SETD2: variants seen among roughly 807,000 people sequenced by gnomAD.
SETD2 encodes the protein SET domain containing 2, histone lysine methyltransferase.
A neutral mutation model predicts 242.1 loss-of-function variants in SETD2; 31 were observed. The observed-to-expected ratio is 0.13, with a 90% CI of 0.10 to 0.17. The LOEUF (loss-of-function observed/expected upper bound fraction) is 0.17. SETD2 is among the 10% of genes least tolerant of loss of function. SETD2 has a pLI of 1.00. For synonymous variants in SETD2, 1,006 were observed against 1,066.5 expected (o/e 0.94, Z 1.11); for missense variants, 2,481 against 3,046.3 (o/e 0.81, Z 4.37).
chr3:47,075,005 G>T (rs1317544862), intron 12 of SETD2, among the ~76,000 whole-genome samples: 3 of 151,742 alleles, frequency 2.0e-5, no homozygotes, highest in Admixed American at 6.6e-5. Flanking sequence ...GTGGTGGCAG[G>T]TGCCTGTAGT....
At chr3:47,124,604 G>A (rs1251148374) in intron 2 of SETD2, 56 bp from the exon 3 acceptor site, 7 of 1,398,716 alleles carry the variant, frequency 5.0e-6, no homozygotes, top group African/African-American at 2.9e-5. Flanking sequence ...CTTTCAAATG[G>A]ACTGCACAGT....
intron 12 of SETD2, among the ~76,000 whole-genome samples, chr3:47,075,059 A>C (rs1419813005): frequency 6.6e-6 from 1 of 151,620 alleles, no homozygotes; most frequent in Non-Finnish European, 1.5e-5. Context: ...GCGTGAACCC[A>C]GGAGGTGGAG....
At chr3:47,042,808 T>C (rs2039344328) in intron 16 of SETD2, 108 bp from the exon 17 acceptor site, 1 of 983,788 alleles carries the variant, frequency 1.0e-6, no homozygotes, top group South Asian at 1.6e-5. Context: ...TACCTCCTCT[T>C]AAAAAAAGGA....
rs775259096 is a variant in SETD2 at position 47,050,723 on chromosome 3, CTTTTTTTTTT to C, written c.6964-4112_6964-4103del. On this transcript the variant is annotated intron_variant, in intron 15 of 20. Coordinates refer to ENST00000409792, the MANE Select transcript of SETD2 (RefSeq NM_014159.7). ...CTCAACCTGTATACATTTCCTCTCT[CTTTTTTTTTT>C]TTTTTTTTTTTTTTTGAGACAGAGT... Among the ~76,000 whole-genome samples, 7 of 66,882 alleles carry C rather than the reference CTTTTTTTTTT, an allele frequency of 1.0e-4. No homozygotes were observed. In the East Asian group the frequency reaches 2.6e-3, roughly 25 times the overall value. The allele number at this position is 66,882 out of a possible 152,430, so 43.9% of individuals were successfully genotyped here. A position where few individuals can be genotyped will look rare whatever the true frequency, so the allele number is the denominator to read the frequency against.
chr3:47,097,516 C>T (rs570797315), intron 9 of SETD2, among the ~76,000 whole-genome samples: 2 of 152,322 alleles, frequency 1.3e-5, no homozygotes, highest in South Asian at 2.1e-4. Context: ...TCTGTGACTA[C>T]TCCTGTTGGT....
At chr3:47,069,253 A>G (rs183817700) in intron 12 of SETD2, among the ~76,000 whole-genome samples, 4 of 152,312 alleles carry the variant, frequency 2.6e-5, no homozygotes, top group Admixed American at 2.6e-4. Context: ...TATCTTCTGT[A>G]TTAGATGACA....
chr3:47,037,014 T>C (rs1402111859), intron 18 of SETD2, among the ~76,000 whole-genome samples: 2 of 147,272 alleles, frequency 1.4e-5, no homozygotes, highest in African/African-American at 2.5e-5. Flanking sequence ...AATGAGTAAG[T>C]AGTTAGTATG....
chr3:47,039,976 A>G (rs150234082), intron 17 of SETD2, among the ~76,000 whole-genome samples: 1 of 151,968 alleles, frequency 6.6e-6, no homozygotes, highest in East Asian at 1.9e-4. Flanking sequence ...CTCATTTTAT[A>G]AAAGCCTTTT....
chr3:47,093,215 A>G (rs1441377128), intron 9 of SETD2, among the ~76,000 whole-genome samples: 1 of 152,008 alleles, frequency 6.6e-6, no homozygotes, highest in African/African-American at 2.4e-5. Context: ...CTTACATTTT[A>G]AGAGTTATCC....
intron 5 of SETD2, among the ~76,000 whole-genome samples, chr3:47,106,503 A>G (rs1210474716): frequency 7.7e-6 from 1 of 129,268 alleles, no homozygotes; most frequent in Non-Finnish European, 1.6e-5. Context: ...TAAAAAAAAA[A>G]AAAAAAAAAA....
chr3:47,051,082 T>G (rs2039822504), intron 15 of SETD2, among the ~76,000 whole-genome samples: 1 of 151,544 alleles, frequency 6.6e-6, no homozygotes, highest in African/African-American at 2.4e-5. Flanking sequence ...CATATTCTCT[T>G]GCCATGACCA....
At chr3:47,125,139 T>C (rs2043276763) in intron 2 of SETD2, among the ~76,000 whole-genome samples, 1 of 151,818 alleles carries the variant, frequency 6.6e-6, no homozygotes, top group African/African-American at 2.4e-5. Flanking sequence ...GCCAACATAA[T>C]GAAAACCCAT....
intron 1 of SETD2, chr3:47,163,651 C>T (rs1697574412): frequency 6.4e-6 from 2 of 313,508 alleles, no homozygotes; most frequent in East Asian, 6.7e-5. Context: ...GCGCCAACGC[C>T]GGGCCCAACC....
chr3:47,090,786 A>G (rs915893581), intron 9 of SETD2, among the ~76,000 whole-genome samples: 3 of 152,230 alleles, frequency 2.0e-5, no homozygotes, highest in Non-Finnish European at 4.4e-5. Flanking sequence ...ACAACTTAGC[A>G]GGAAATGATG....
In SETD2 at chr3:47,017,622, A is replaced by C; in HGVS notation, c.7533+16T>G. 1.3e-6 allele frequency: 2 copies of C among 1,582,744 alleles called. No homozygotes were observed. The highest frequency in any genetic ancestry group is 8.7e-7 in the Non-Finnish European group (1 of 1,151,268). Reference sequence around the variant, plus strand: ...CAGAACATTGCCTGGTGGGCTACCAAAAGCAAGGGGAGTACCTTGCGAGCC... The same window carrying C: ...CAGAACATTGCCTGGTGGGCTACCACAAGCAAGGGGAGTACCTTGCGAGCC... On this transcript the variant is annotated intron_variant, in intron 20 of 20. Transcript: ENST00000409792. The surrounding 1 kb of genome is among the most constrained non-coding windows in gnomAD (Gnocchi z 4.8).
chr3:47,044,889 C>A (rs1227838657), intron 16 of SETD2, among the ~76,000 whole-genome samples: 2 of 152,120 alleles, frequency 1.3e-5, no homozygotes, highest in South Asian at 4.1e-4. Flanking sequence ...TGACATGACA[C>A]TCAAAGGCCA....
chr3:47,123,212 G>C lies in SETD2; in HGVS notation c.1424C>G (p.Ser475Cys), dbSNP rs2106698109. 1 of 1,574,122 alleles carries C rather than the reference G, an allele frequency of 6.4e-7. No homozygotes were observed. The change falls in exon 3 of 21, where the codon TCT becomes TGT. Residue 475 changes from serine (S) to cysteine (C), a missense_variant. Around this residue, in one of 17 missense-constraint regions of SETD2, gnomAD observed 1,300 missense variants for 1,259.2 expected, o/e 1.03. Coordinates refer to ENST00000409792, the MANE Select transcript of SETD2 (RefSeq NM_014159.7). ...YKKTYSRRTS[S>C]HSSSYRDLRT... The stretch of plus-strand genomic sequence containing the variant: ...TAGGTCTCTGTAAGAAGAGGAATGA[G>C]ATGAGGTACGCCTTGAGTATGTCTT...
intron 6 of SETD2, among the ~76,000 whole-genome samples, chr3:47,105,279 G>T (rs2042365214): frequency 6.6e-6 from 1 of 151,760 alleles, no homozygotes; most frequent in African/African-American, 2.4e-5. Flanking sequence ...GCATGATGGT[G>T]TGTGCCTGTA....
At chr3:47,027,433 G>C (rs544142000) in intron 18 of SETD2, among the ~76,000 whole-genome samples, 3 of 151,866 alleles carry the variant, frequency 2.0e-5, no homozygotes, top group African/African-American at 7.2e-5. Flanking sequence ...AAGTGGGAGG[G>C]ATAGCATTAG....
Sources: allele counts gnomAD v4.1 joint callset (sites outside exome capture counted in the v4.1 genomes callset), GRCh38; gene constraint gnomAD v4.1.1; regional missense constraint gnomAD v4.1.1; non-coding constraint Gnocchi (gnomAD v3.1); transcripts MANE v1.5; gene names NCBI Gene and HGNC (gene_info 2026-07-23, HGNC 2026-07-21).